Variants in LIFR observed in about 807,000 individuals in gnomAD.
LIFR encodes the protein leukemia inhibitory factor receptor.
Under a neutral mutation model 122.2 loss-of-function variants are expected in LIFR, and 84 were observed. The ratio of observed to expected loss-of-function variants is 0.69; its 90% CI spans 0.58 to 0.82. The LOEUF is 0.82. LIFR is among the 40% of genes least tolerant of loss of function. LIFR has a pLI of 0.00. For missense variants in LIFR, 1,294 were observed against 1,311.6 expected, an observed-to-expected ratio of 0.99 and a Z score of 0.21; for synonymous variants, 422 against 434.7, an observed-to-expected ratio of 0.97 and a Z score of 0.36.
intron 1 of LIFR, among the ~76,000 whole-genome samples, chr5:38,545,176 A>C (rs1747807825): frequency 6.6e-6 from 1 of 152,074 alleles, no homozygotes; most frequent in East Asian, 1.9e-4. Flanking sequence ...AGGCTGAGAC[A>C]GGAGACTCAC....
chr5:38,608,247 A>G (rs1477612651), exon 1 of LIFR: 2 of 152,032 alleles, frequency 1.3e-5, no homozygotes, highest in African/African-American at 2.4e-5. Flanking sequence ...ACTTAAGAAC[A>G]TGTTCTTTGG....
intron 2 of LIFR, among the ~76,000 whole-genome samples, chr5:38,605,043 A>G (rs1038923555): frequency 6.6e-6 from 1 of 152,166 alleles, no homozygotes; most frequent in Non-Finnish European, 1.5e-5. Context: ...CCAAGGTTTT[A>G]TCATGCAGAT....
intron 1 of LIFR, among the ~76,000 whole-genome samples, chr5:38,563,825 G>A (rs912857700): frequency 1.3e-5 from 2 of 152,146 alleles, no homozygotes; most frequent in African/African-American, 4.8e-5. Context: ...TGGCTCCAAA[G>A]CCCACACTCC....
At chr5:38,528,979 A>G in intron 2 of LIFR, 139 bp from the exon 3 acceptor site, 1 of 613,126 alleles carries the variant, frequency 1.6e-6, no homozygotes, top group East Asian at 2.9e-5. Flanking sequence ...CAGAGAGCCC[A>G]TGTTTTTTTT....
At chr5:38,571,158 T>G (rs1251260425) in intron 1 of LIFR, among the ~76,000 whole-genome samples, 1 of 152,178 alleles carries the variant, frequency 6.6e-6, no homozygotes, top group South Asian at 2.1e-4. Flanking sequence ...GGTTAAATAT[T>G]GTTAGCCACA....
intron 5 of LIFR, among the ~76,000 whole-genome samples, chr5:38,513,757 G>T (rs1468016602): frequency 2.0e-5 from 3 of 152,146 alleles, no homozygotes; most frequent in Non-Finnish European, 4.4e-5. Flanking sequence ...ACTCTAGAGG[G>T]AAGGCCCCCA....
chr5:38,553,389 T>C (rs1748309354), intron 1 of LIFR, among the ~76,000 whole-genome samples: 1 of 151,790 alleles, frequency 6.6e-6, no homozygotes, highest in Non-Finnish European at 1.5e-5. Context: ...CACCATCACT[T>C]ATTGTATCTT....
chr5:38,495,883 T>C (rs988051291), intron 13 of LIFR, among the ~76,000 whole-genome samples: 4 of 152,126 alleles, frequency 2.6e-5, no homozygotes, highest in Non-Finnish European at 5.9e-5. Context: ...ATATTGAAGA[T>C]CTAATTTATA....
intron 1 of LIFR, among the ~76,000 whole-genome samples, chr5:38,593,179 G>T (rs1185634540): frequency 6.6e-6 from 1 of 152,038 alleles, no homozygotes; most frequent in Non-Finnish European, 1.5e-5. Flanking sequence ...CTCCAGCCTG[G>T]GTGACAGAGC....
chr5:38,554,265 C>G (rs543115034), intron 1 of LIFR, among the ~76,000 whole-genome samples: 2 of 152,316 alleles, frequency 1.3e-5, no homozygotes, highest in Non-Finnish European at 2.9e-5. Flanking sequence ...CACTTCACAG[C>G]AAAGATGCCA....
At chr5:38,502,177 TA>T (rs1423723360) in intron 11 of LIFR, among the ~76,000 whole-genome samples, 1 of 152,188 alleles carries the variant, frequency 6.6e-6, no homozygotes, top group East Asian at 1.9e-4. Context: ...AACTATCATT[TA>T]AAATATCTGT....
At chr5:38,600,269 TG>T (rs1466545093), upstream of LIFR, among the ~76,000 whole-genome samples, 2 of 152,234 alleles carry the variant, frequency 1.3e-5, no homozygotes, top group Non-Finnish European at 2.9e-5. Flanking sequence ...GAAACCAAGC[TG>T]TACCCCAAGC....
chr5:38,519,132 G>A (rs925233154), intron 5 of LIFR, among the ~76,000 whole-genome samples: 1 of 152,096 alleles, frequency 6.6e-6, no homozygotes, highest in Non-Finnish European at 1.5e-5. Flanking sequence ...GTTACAGTAA[G>A]CTAAGGTTAA....
chr5:38,533,596 G>C (rs1451790071), intron 1 of LIFR, among the ~76,000 whole-genome samples: 1 of 152,226 alleles, frequency 6.6e-6, no homozygotes, highest in Non-Finnish European at 1.5e-5. Flanking sequence ...GAAAAAAAGA[G>C]TTGAGAAAAG....
chr5:38,535,952 TAA>T (rs1194216244), intron 1 of LIFR, among the ~76,000 whole-genome samples: 1 of 152,154 alleles, frequency 6.6e-6, no homozygotes, highest in Non-Finnish European at 1.5e-5. Flanking sequence ...TTGAAGGAAA[TAA>T]AGTGACATCT....
chr5:38,513,542 A>G (rs1354204601), intron 5 of LIFR, among the ~76,000 whole-genome samples: 1 of 152,262 alleles, frequency 6.6e-6, no homozygotes, highest in African/African-American at 2.4e-5. Context: ...TTAGGAAGAG[A>G]TGAGAATGGG....
At chr5:38,575,644 A>G (rs1749361253) in intron 1 of LIFR, among the ~76,000 whole-genome samples, 1 of 152,168 alleles carries the variant, frequency 6.6e-6, no homozygotes, top group African/African-American at 2.4e-5. Context: ...TGCTGAGTCC[A>G]TGGGCAGCTG....
chr5:38,571,923 A>G (rs1749227203), intron 1 of LIFR, among the ~76,000 whole-genome samples: 1 of 152,230 alleles, frequency 6.6e-6, no homozygotes, highest in Admixed American at 6.5e-5. Context: ...ACCCATGAGT[A>G]CTTTCAAACC....
At position 38,482,040 on chromosome 5, in the gene LIFR, C is replaced by T; in HGVS notation, c.2849G>A (p.Cys950Tyr). 1 of 1,613,476 alleles carries T rather than the reference C, an allele frequency of 6.2e-7. No individual in the cohort carries two copies. Among genetic ancestry groups the T allele is most frequent in the Non-Finnish European group, 8.5e-7 (1 of 1,179,668 alleles). ...TATTTCTTCCTCAATGATGGGTGGA[C>T]AATAGGACACAACCACATGGTTTTC... Reference protein sequence around the residue: ...EPENHVVVSYCPPIIEEEIPN... With the variant: ...EPENHVVVSYYPPIIEEEIPN... The change falls in exon 20 of 20, where the codon TGT becomes TAT. Residue 950 changes from cysteine (C) to tyrosine (Y), a missense_variant. Cys to Tyr is a radical substitution (Grantham distance 194). Coordinates refer to ENST00000453190, the MANE Select transcript of LIFR (RefSeq NM_001127671.2).
Sources: gnomAD v4.1 joint callset for allele counts (sites outside exome capture counted in the v4.1 genomes callset) on GRCh38, gnomAD v4.1.1 for gene constraint, MANE v1.5 for transcripts, NCBI Gene and HGNC (gene_info 2026-07-23, HGNC 2026-07-21) for gene names.